TNS3: variants seen among roughly 807,000 people sequenced by gnomAD.
TNS3 encodes the protein tensin-3.
A neutral mutation model predicts 140.9 loss-of-function variants in TNS3; 45 were observed. That is an observed-to-expected ratio of 0.32 (90% CI 0.25 to 0.41). TNS3 has a LOEUF of 0.41. TNS3 is among the 10% of genes least tolerant of loss of function. TNS3 has a pLI of 1.00. For missense variants in TNS3, 1,716 were observed against 1,906.7 expected (o/e 0.90, Z 1.86); for synonymous variants, 815 against 788.4 (o/e 1.03, Z -0.56).
At chr7:47,484,388 C>A (rs1181944528) in intron 3 of TNS3, among the ~76,000 whole-genome samples, 2 of 152,142 alleles carry the variant, frequency 1.3e-5, no homozygotes, top group Non-Finnish European at 2.9e-5. Context: ...TGGCTAAAAC[C>A]AGATTCCAGG....
At chr7:47,335,632 T>G (rs1788592194) in intron 20 of TNS3, among the ~76,000 whole-genome samples, 1 of 152,120 alleles carries the variant, frequency 6.6e-6, no homozygotes, top group South Asian at 2.1e-4. Flanking sequence ...GAACCCAGAC[T>G]TACAGTTGTC....
intron 4 of TNS3, among the ~76,000 whole-genome samples, chr7:47,453,499 T>C (rs191853120): frequency 1.1e-3 from 161 of 152,322 alleles, no homozygotes; most frequent in African/African-American, 3.7e-3. Context: ...CCCAACCCCA[T>C]TCTCTCCTTT....
In TNS3 at chr7:47,304,903, C is replaced by A; in HGVS notation, c.2751G>T (p.Thr917=). 3 of 1,427,452 alleles carry A rather than the reference C, an allele frequency of 2.1e-6. No homozygotes were observed. The highest frequency in any genetic ancestry group is 1.9e-6 in the Non-Finnish European group (2 of 1,077,186). The allele number at this position is 1,427,452 out of a possible 1,614,324, so 88.4% of individuals were successfully genotyped here. A position where few individuals can be genotyped will look rare whatever the true frequency, so the allele number is the denominator to read the frequency against. ...AAGCAAAAGCCTGCTGAAAGGAGGG[C>A]GTCGAGGACGCATCAGCCCGGAGCA... ...STMLRADASS[T]PSFQQAFASS... Residue 917 remains threonine (T), a synonymous_variant, in exon 21 of 31, where the codon ACG becomes ACT. Transcript: ENST00000311160.
In TNS3 at chr7:47,546,855, C is replaced by T. The variant is rs552010243; in HGVS notation, c.-264-17708G>A. ...TCTCTCAGTGTGTGCGCTCAGCACC[C>T]GCCTGGTAAGACACGGCTGTGCTCA... On this transcript the variant is annotated intron_variant, in intron 1 of 30. Coordinates refer to ENST00000311160, the MANE Select transcript of TNS3 (RefSeq NM_022748.12). Among the ~76,000 whole-genome samples the T allele has an allele frequency of 2.6e-5, 4 of 152,286 alleles. No homozygotes were observed. The South Asian group carries it at 6.2e-4, about 24-fold the overall frequency.
intron 16 of TNS3, among the ~76,000 whole-genome samples, chr7:47,394,052 C>T (rs1378477650): frequency 6.6e-6 from 1 of 152,204 alleles, no homozygotes; most frequent in East Asian, 1.9e-4. Context: ...CACCTGCTCA[C>T]ACCACTGGCT....
intron 1 of TNS3, among the ~76,000 whole-genome samples, chr7:47,569,040 G>T (rs973711434): frequency 6.6e-6 from 1 of 152,220 alleles, no homozygotes; most frequent in African/African-American, 2.4e-5. Context: ...GAATTGATGT[G>T]CTTCAGGCAC....
chr7:47,435,802 C>T (rs538665991), intron 7 of TNS3, among the ~76,000 whole-genome samples: 1 of 152,306 alleles, frequency 6.6e-6, no homozygotes, highest in South Asian at 2.1e-4. Context: ...GTGCAGCCAG[C>T]CATCTCCCAC....
At chr7:47,311,399 AGTGTGTGTGTGTGTGT>A (rs10617598) in intron 20 of TNS3, among the ~76,000 whole-genome samples, 57 of 147,434 alleles carry the variant, frequency 3.9e-4, no homozygotes, top group South Asian at 1.5e-3. Context: ...GAACTTAAAG[AGTGTGTGTGTGTGTGT>A]GTGTGTGTGT....
At chr7:47,339,174 A>T (rs539106471) in intron 20 of TNS3, among the ~76,000 whole-genome samples, 1 of 152,192 alleles carries the variant, frequency 6.6e-6, no homozygotes, top group African/African-American at 2.4e-5. Context: ...TATCCTCTTC[A>T]CAGGTTCTTT....
intron 13 of TNS3, among the ~76,000 whole-genome samples, chr7:47,405,951 G>A (rs1209238287): frequency 6.6e-6 from 1 of 152,086 alleles, no homozygotes; most frequent in Non-Finnish European, 1.5e-5. Context: ...GCAGCAAGAT[G>A]AAGCATGTGT....
intron 4 of TNS3, among the ~76,000 whole-genome samples, chr7:47,468,508 C>A (rs568394813): frequency 6.6e-6 from 1 of 152,040 alleles, no homozygotes; most frequent in Admixed American, 6.6e-5. Flanking sequence ...TGCTATTTCC[C>A]GAACCAATCA....
chr7:47,439,526 G>T lies in TNS3; in HGVS notation c.111C>A (p.Val37=), dbSNP rs772057342. 1.2e-6 allele frequency: 2 copies of T among 1,614,052 alleles called. No homozygotes were observed. Among genetic ancestry groups the T allele is most frequent in the Non-Finnish European group, 1.7e-6 (2 of 1,179,970 alleles). The change falls in exon 6 of 31, where the codon GTC becomes GTA. Residue 37 remains valine (V), a synonymous_variant. Transcript: ENST00000311160. ...CGTGCTTGGACTTGAGCATGCGCGTGACCTCCTGTAGGTTGTGCAGGTAGG... is the reference window on the plus strand; with the variant it reads ...CGTGCTTGGACTTGAGCATGCGCGTTACCTCCTGTAGGTTGTGCAGGTAGG... ...EESYLHNLQE[V]TRMLKSKHGD... is the part of the protein sequence containing the mutation.
At chr7:47,411,697 A>G (rs834607) in intron 13 of TNS3, 30 bp downstream of exon 13, 1,589,309 of 1,595,494 alleles carry the variant, frequency 1, 791,640 homozygotes, top group East Asian at 1. Flanking sequence ...TGGGGACACC[A>G]ACCCATCTGC....
intron 16 of TNS3, among the ~76,000 whole-genome samples, chr7:47,373,906 C>G (rs1791221040): frequency 6.6e-6 from 1 of 152,218 alleles, no homozygotes; most frequent in Non-Finnish European, 1.5e-5. Flanking sequence ...CAAACACACA[C>G]ACAGCCCACA....
intron 8 of TNS3, among the ~76,000 whole-genome samples, chr7:47,433,515 G>A (rs1187226562): frequency 6.6e-6 from 1 of 152,124 alleles, no homozygotes; most frequent in Non-Finnish European, 1.5e-5. Context: ...TCCCCACTAG[G>A]ACCCATATGT....
At chr7:47,576,927 C>G (rs1800688378) in intron 1 of TNS3, among the ~76,000 whole-genome samples, 1 of 152,276 alleles carries the variant, frequency 6.6e-6, no homozygotes, top group Admixed American at 6.5e-5. Flanking sequence ...TGGCCAGACA[C>G]TTCCCGAGGA....
At chr7:47,517,171 T>C (rs903236767) in intron 2 of TNS3, among the ~76,000 whole-genome samples, 3 of 152,210 alleles carry the variant, frequency 2.0e-5, no homozygotes, top group African/African-American at 4.8e-5. Flanking sequence ...GCCAATTCTA[T>C]GGTCCTACTG....
intron 27 of TNS3, among the ~76,000 whole-genome samples, chr7:47,291,034 G>C (rs181470474): frequency 5.2e-4 from 79 of 152,264 alleles, no homozygotes; most frequent in Non-Finnish European, 9.0e-4. Flanking sequence ...AAAACACATG[G>C]AGGAAACTTA....
chr7:47,386,051 T>C (rs893503630), intron 16 of TNS3, among the ~76,000 whole-genome samples: 3 of 152,250 alleles, frequency 2.0e-5, no homozygotes, highest in African/African-American at 7.2e-5. Flanking sequence ...TAATTTCCCA[T>C]AGACTGTCAA....
Sources: allele counts gnomAD v4.1 joint callset (sites outside exome capture counted in the v4.1 genomes callset), GRCh38; gene constraint gnomAD v4.1.1; transcripts MANE v1.5; gene names NCBI Gene and HGNC (gene_info 2026-07-23, HGNC 2026-07-21).